Variants in CRPPA observed in about 807,000 individuals in gnomAD.
The protein encoded by CRPPA is CDP-L-ribitol pyrophosphorylase A, also known as D-ribitol-5-phosphate cytidylyltransferase.
Under a neutral mutation model 52.0 loss-of-function variants are expected in CRPPA, and 43 were observed. That is an observed-to-expected ratio of 0.83 (90% CI 0.65 to 1.07). The LOEUF (loss-of-function observed/expected upper bound fraction) is 1.07. Ranked by LOEUF, CRPPA falls within the 50% of genes least tolerant of loss-of-function variation. CRPPA has a pLI of 0.00. For missense variants in CRPPA, 629 were observed against 551.7 expected (o/e 1.14, Z -1.40); for synonymous variants, 250 against 203.5 (o/e 1.23, Z -1.94).
chr7:16,351,367 A>G (rs1439224717), intron 3 of CRPPA, among the ~76,000 whole-genome samples: 1 of 152,214 alleles, frequency 6.6e-6, no homozygotes, highest in Non-Finnish European at 1.5e-5. Flanking sequence ...CTTCATGACT[A>G]AAACACCAAA....
chr7:16,339,770 T>C (rs375201351), intron 3 of CRPPA, among the ~76,000 whole-genome samples: 1 of 152,196 alleles, frequency 6.6e-6, no homozygotes, highest in South Asian at 2.1e-4. Flanking sequence ...GACATCACTG[T>C]CTATGCAGAA....
Position 16,184,298 on chromosome 7 carries a change from T to G in CRPPA, c.1251+31768A>C, listed in dbSNP as rs186415476. ...TACTACACCAAACATAATCCATTTT[T>G]TCAGTAAATTTTTATAAATGCATTT... is the stretch of plus-strand genomic sequence containing the variant. On this transcript the variant is annotated intron_variant, in intron 9 of 9. Transcript: ENST00000407010. Among the ~76,000 whole-genome samples, 178 of 152,260 alleles carry G rather than the reference T, an allele frequency of 1.2e-3. 2 individuals carry two copies. The highest frequency in any genetic ancestry group is 4.1e-3 in the African/African-American group (171 of 41,570).
rs182987783 is a variant in CRPPA at position 16,366,614 on chromosome 7, A to G, written c.684+9478T>C. 3.4e-3 allele frequency among the ~76,000 whole-genome samples: 525 copies of G among 152,280 alleles called. 4 individuals are homozygous for G. Among genetic ancestry groups the G allele is most frequent in the African/African-American group, 0.012 (505 of 41,542 alleles). ...GCTTTTAGGCTAATGGTTGAGAATG[A>G]AATTTCTGGGGATAGCAAAGAGTAT... On this transcript the variant is annotated intron_variant, in intron 3 of 9. Transcript: ENST00000407010.
chr7:16,172,405 C>A (rs1321137860), intron 9 of CRPPA, among the ~76,000 whole-genome samples: 1 of 152,040 alleles, frequency 6.6e-6, no homozygotes, highest in East Asian at 1.9e-4. Context: ...GAGCAGAGGG[C>A]CCGTGTGTCC....
At chr7:16,325,147 C>G (rs1785353080) in intron 3 of CRPPA, among the ~76,000 whole-genome samples, 1 of 152,138 alleles carries the variant, frequency 6.6e-6, no homozygotes, top group South Asian at 2.1e-4. Flanking sequence ...AACTGGTTGG[C>G]AAAGATGACT....
At chr7:16,362,947 C>T (rs572154798) in intron 3 of CRPPA, among the ~76,000 whole-genome samples, 21 of 151,956 alleles carry the variant, frequency 1.4e-4, no homozygotes, top group Non-Finnish European at 2.2e-4. Context: ...CCTACAGATA[C>T]GTCTTAATTA....
chr7:16,398,585 T>C (rs1272911938), intron 2 of CRPPA, among the ~76,000 whole-genome samples: 5 of 152,114 alleles, frequency 3.3e-5, no homozygotes, highest in Admixed American at 2.0e-4. Flanking sequence ...GTGTGGCACG[T>C]GACTGACGTT....
intron 8 of CRPPA, chr7:16,235,792 G>A (rs910756607): frequency 2.6e-5 from 4 of 152,108 alleles, no homozygotes; most frequent in Middle Eastern, 3.4e-3. Context: ...TGTACTATTC[G>A]AAAAGGGCAA....
In CRPPA at chr7:16,182,719, C is replaced by A. The variant is rs570567766; in HGVS notation, c.1251+33347G>T. Among the ~76,000 whole-genome samples, 5 of 152,242 alleles carry A rather than the reference C, an allele frequency of 3.3e-5. No individual in the cohort carries two copies. In the South Asian group the frequency reaches 1.0e-3, roughly 32 times the overall value. On this transcript the variant is annotated intron_variant, in intron 9 of 9. Transcript: ENST00000407010. ...CCCCAATTCTCACTTTGAGGCACTG[C>A]TCCCCCACAGCAATTTTAACCAATC...
intron 3 of CRPPA, among the ~76,000 whole-genome samples, chr7:16,356,097 T>C (rs1195961068): frequency 6.6e-6 from 1 of 152,044 alleles, no homozygotes; most frequent in Non-Finnish European, 1.5e-5. Flanking sequence ...GCTTTCAAAT[T>C]TATCCCAAAA....
At chr7:16,177,538 C>G (rs982790799) in intron 9 of CRPPA, among the ~76,000 whole-genome samples, 2 of 151,862 alleles carry the variant, frequency 1.3e-5, no homozygotes, top group African/African-American at 4.8e-5. Context: ...TGTAATAACC[C>G]AGAGAACAAA....
intron 9 of CRPPA, among the ~76,000 whole-genome samples, chr7:16,156,573 G>A (rs527461954): frequency 6.6e-6 from 1 of 152,090 alleles, no homozygotes; most frequent in East Asian, 1.9e-4. Context: ...CATCTCAGAA[G>A]ATCAGAGAAA....
At chr7:16,414,677 T>G (rs2128319981) in intron 1 of CRPPA, among the ~76,000 whole-genome samples, 1 of 152,332 alleles carries the variant, frequency 6.6e-6, no homozygotes, top group East Asian at 1.9e-4. Flanking sequence ...TAATCTCAGT[T>G]TCTTGTTAGT....
intron 2 of CRPPA, among the ~76,000 whole-genome samples, chr7:16,396,931 GA>G (rs538251475): frequency 1.8e-4 from 27 of 152,322 alleles, no homozygotes; most frequent in Admixed American, 3.3e-4. Flanking sequence ...CATGTGTAAT[GA>G]AAAAACAACT....
At chr7:16,250,956 T>A (rs1783432672) in intron 8 of CRPPA, among the ~76,000 whole-genome samples, 1 of 151,818 alleles carries the variant, frequency 6.6e-6, no homozygotes, top group Admixed American at 6.6e-5. Flanking sequence ...TCAAGAACCA[T>A]CAGTGTGCTA....
chr7:16,161,917 G>A (rs1216018146), intron 9 of CRPPA, among the ~76,000 whole-genome samples: 7 of 152,052 alleles, frequency 4.6e-5, no homozygotes, highest in Non-Finnish European at 7.4e-5. Flanking sequence ...GTCTTGGGAG[G>A]GTGCTATGTG....
At chr7:16,415,451 G>C (rs1468586516) in intron 1 of CRPPA, among the ~76,000 whole-genome samples, 2 of 152,172 alleles carry the variant, frequency 1.3e-5, no homozygotes, top group Non-Finnish European at 2.9e-5. Flanking sequence ...TTCTCAGCCA[G>C]AGAATAAGCC....
chr7:16,388,036 T>C (rs560872996), intron 2 of CRPPA, among the ~76,000 whole-genome samples: 1 of 152,218 alleles, frequency 6.6e-6, no homozygotes, highest in East Asian at 1.9e-4. Context: ...CAGGCTGGAG[T>C]CCGGTAGCAC....
chr7:16,331,438 T>A (rs1210997777), intron 3 of CRPPA, among the ~76,000 whole-genome samples: 1 of 152,122 alleles, frequency 6.6e-6, no homozygotes, highest in African/African-American at 2.4e-5. Flanking sequence ...ATACACTATA[T>A]CTTTCTGTTA....
Sources: allele counts gnomAD v4.1 joint callset (sites outside exome capture counted in the v4.1 genomes callset), GRCh38; gene constraint gnomAD v4.1.1; transcripts MANE v1.5; gene names NCBI Gene and HGNC (gene_info 2026-07-23, HGNC 2026-07-21).